HYCC2: variants seen among roughly 807,000 people sequenced by gnomAD.
The protein encoded by HYCC2 is hyccin 2.
chr2:201,057,515 A>C, the HYCC2 span, among the ~76,000 whole-genome samples: 1 of 152,170 alleles, frequency 6.6e-6, no homozygotes, highest in African/African-American at 2.4e-5. Flanking sequence ...TCTCTTTTTC[A>C]AATTTTAAGC....
chr2:201,031,613 T>G, the HYCC2 span, among the ~76,000 whole-genome samples: 4 of 152,156 alleles, frequency 2.6e-5, no homozygotes, highest in Non-Finnish European at 5.9e-5. Flanking sequence ...ACAGCGCCAT[T>G]GCACTCTAGC....
chr2:201,019,954 G>A, the HYCC2 span, among the ~76,000 whole-genome samples: 297 of 151,978 alleles, frequency 2.0e-3, 2 homozygotes, highest in African/African-American at 6.8e-3. Context: ...GCAGGGTGTG[G>A]TAGCATGTGC....
the HYCC2 span, among the ~76,000 whole-genome samples, chr2:201,059,328 G>C: frequency 6.6e-6 from 1 of 152,154 alleles, no homozygotes; most frequent in Non-Finnish European, 1.5e-5. Context: ...AATGACCTAA[G>C]GATATATGCA....
chr2:200,977,906 T>C, the HYCC2 span: 2 of 152,224 alleles, frequency 1.3e-5, no homozygotes, highest in Non-Finnish European at 2.9e-5. Flanking sequence ...GTTTGCTTTC[T>C]AGTAATTAAT....
At chr2:200,989,031 C>T in the HYCC2 span, among the ~76,000 whole-genome samples, 3 of 152,212 alleles carry the variant, frequency 2.0e-5, no homozygotes, top group Non-Finnish European at 2.9e-5. Context: ...CTCAAACATT[C>T]TTTCCAGTGG....
the HYCC2 span, chr2:201,008,933 A>C: frequency 8.6e-7 from 1 of 1,168,932 alleles, no homozygotes; most frequent in Admixed American, 1.7e-5. Flanking sequence ...TCATGCATAC[A>C]TACATACAAG....
the HYCC2 span, among the ~76,000 whole-genome samples, chr2:201,025,475 A>G: frequency 6.6e-6 from 1 of 152,098 alleles, no homozygotes; most frequent in African/African-American, 2.4e-5. Context: ...AGAAAAGAAA[A>G]GAAGGAGAGA....
At chr2:201,013,665 T>C in the HYCC2 span, among the ~76,000 whole-genome samples, 1 of 152,126 alleles carries the variant, frequency 6.6e-6, no homozygotes, top group African/African-American at 2.4e-5. Context: ...CCCTTGAGGG[T>C]ATAACTTCTT....
chr2:201,059,265 T>C, the HYCC2 span, among the ~76,000 whole-genome samples: 1 of 152,204 alleles, frequency 6.6e-6, no homozygotes, highest in Non-Finnish European at 1.5e-5. Flanking sequence ...CACAACCTTA[T>C]TGGTTCTGTT....
chr2:201,068,903 G>C, the HYCC2 span, among the ~76,000 whole-genome samples: 2 of 151,794 alleles, frequency 1.3e-5, no homozygotes, highest in Non-Finnish European at 2.9e-5. Context: ...AGTGTAAAAA[G>C]AAGCAATTCT....
chr2:200,983,969 G>A, the HYCC2 span, among the ~76,000 whole-genome samples: 2 of 152,096 alleles, frequency 1.3e-5, no homozygotes, highest in South Asian at 4.1e-4. Flanking sequence ...TATATATAAT[G>A]GAATACTGAT....
the HYCC2 span, among the ~76,000 whole-genome samples, chr2:200,995,277 T>A: frequency 1.3e-5 from 2 of 152,206 alleles, no homozygotes; most frequent in Non-Finnish European, 2.9e-5. Context: ...AGTTTTGTTA[T>A]AAGCAGGATC....
At chr2:201,062,921 A>G in the HYCC2 span, among the ~76,000 whole-genome samples, 1 of 150,748 alleles carries the variant, frequency 6.6e-6, no homozygotes, top group Non-Finnish European at 1.5e-5. Context: ...TGAGAGGCCT[A>G]CTGAGAGGTT....
At chr2:201,043,650 A>AG in the HYCC2 span, among the ~76,000 whole-genome samples, 4 of 151,570 alleles carry the variant, frequency 2.6e-5, no homozygotes, top group Non-Finnish European at 5.9e-5. Context: ...CTGGGACTAC[A>AG]GGCGCCTGCC....
the HYCC2 span, among the ~76,000 whole-genome samples, chr2:201,064,982 A>C: frequency 1.3e-5 from 2 of 152,148 alleles, no homozygotes; most frequent in Non-Finnish European, 2.9e-5. Flanking sequence ...CTCAGATCTA[A>C]CCAGTTTTAC....
chr2:201,047,445 C>CATATATATATATATATATATATATATAT, the HYCC2 span, among the ~76,000 whole-genome samples: 34 of 139,614 alleles, frequency 2.4e-4, no homozygotes, highest in African/African-American at 9.1e-4. Flanking sequence ...TCACAGTTCT[C>CATATATATATATATATATATATATATAT]ATATATATAT....
At chr2:200,984,883 TAGG>T in the HYCC2 span, among the ~76,000 whole-genome samples, 1 of 152,096 alleles carries the variant, frequency 6.6e-6, no homozygotes, top group African/African-American at 2.4e-5. Flanking sequence ...GAGGCCAAGA[TAGG>T]AGGATTGCTT....
the HYCC2 span, among the ~76,000 whole-genome samples, chr2:201,026,468 T>C: frequency 6.6e-6 from 1 of 152,166 alleles, no homozygotes; most frequent in Non-Finnish European, 1.5e-5. Context: ...GCACACCTAA[T>C]AGACATCTAC....
At chr2:201,042,733 C>T in the HYCC2 span, among the ~76,000 whole-genome samples, 2 of 147,272 alleles carry the variant, frequency 1.4e-5, no homozygotes, top group African/African-American at 2.5e-5. Context: ...CCGCCCCGTC[C>T]GGGAGGTGGG....
Sources: gnomAD v4.1 joint callset for allele counts (sites outside exome capture counted in the v4.1 genomes callset) on GRCh38, gnomAD v4.1.1 for gene constraint, MANE v1.5 for transcripts, NCBI Gene and HGNC (gene_info 2026-07-23, HGNC 2026-07-21) for gene names.